Variants in MAPKAP1 observed in about 807,000 individuals in gnomAD.
MAPKAP1 encodes the protein target of rapamycin complex 2 subunit MAPKAP1.
MAPKAP1 carries 20 observed loss-of-function variants against 65.7 expected under a neutral mutation model. The ratio of observed to expected loss-of-function variants is 0.30; its 90% CI spans 0.21 to 0.44. MAPKAP1 has a LOEUF of 0.44. Ranked by LOEUF, MAPKAP1 falls within the 20% of genes least tolerant of loss-of-function variation. The pLI is 1.00. For synonymous variants in MAPKAP1, 222 were observed against 244.3 expected (o/e 0.91, Z 0.85); for missense variants, 423 against 648.0 (o/e 0.65, Z 3.77).
At chr9:125,700,951 G>T (rs1453735810) in intron 1 of MAPKAP1, among the ~76,000 whole-genome samples, 2 of 152,186 alleles carry the variant, frequency 1.3e-5, no homozygotes, top group Admixed American at 6.5e-5. Flanking sequence ...ATGCACTGGG[G>T]GAGCACCTGG....
At chr9:125,610,862 T>G (rs1169517329) in intron 4 of MAPKAP1, among the ~76,000 whole-genome samples, 1 of 152,158 alleles carries the variant, frequency 6.6e-6, no homozygotes, top group African/African-American at 2.4e-5. Context: ...ATGACTCAAA[T>G]AATTCCAACA....
chr9:125,587,571 AAAAC>A (rs367582231), intron 4 of MAPKAP1, among the ~76,000 whole-genome samples: 92 of 152,234 alleles, frequency 6.0e-4, no homozygotes, highest in African/African-American at 1.6e-3. Flanking sequence ...GCTCAAAACA[AAAAC>A]AAACAAACAA....
intron 9 of MAPKAP1, among the ~76,000 whole-genome samples, chr9:125,481,445 C>CA (rs1854313706): frequency 1.3e-5 from 2 of 152,118 alleles, no homozygotes; most frequent in African/African-American, 4.8e-5. Context: ...TCCTTTGAGA[C>CA]AGAGTCTAAC....
chr9:125,450,113 C>G (rs1852887128), intron 10 of MAPKAP1, among the ~76,000 whole-genome samples: 1 of 151,986 alleles, frequency 6.6e-6, no homozygotes, highest in Admixed American at 6.6e-5. Flanking sequence ...TTCCATCTGC[C>G]TTAAGAAAAG....
chr9:125,454,305 G>A (rs1853078890), intron 10 of MAPKAP1, among the ~76,000 whole-genome samples: 1 of 152,198 alleles, frequency 6.6e-6, no homozygotes, highest in Non-Finnish European at 1.5e-5. Context: ...AAGTAGATAA[G>A]AAACAAGTTC....
intron 6 of MAPKAP1, among the ~76,000 whole-genome samples, chr9:125,547,818 G>T (rs1279014212): frequency 6.6e-6 from 1 of 152,210 alleles, no homozygotes; most frequent in Non-Finnish European, 1.5e-5. Context: ...AGCACTCTGG[G>T]TTGTTTTCAA....
intron 10 of MAPKAP1, among the ~76,000 whole-genome samples, chr9:125,466,668 G>A (rs921487542): frequency 2.6e-5 from 4 of 152,206 alleles, no homozygotes; most frequent in Admixed American, 2.6e-4. Flanking sequence ...AGGCCCCCCA[G>A]CAGCAGGCAC....
intron 7 of MAPKAP1, among the ~76,000 whole-genome samples, chr9:125,523,607 A>C (rs1397767274): frequency 6.6e-6 from 1 of 152,226 alleles, no homozygotes; most frequent in Non-Finnish European, 1.5e-5. Flanking sequence ...ATGTACTTTT[A>C]GCTGTTACGA....
intron 5 of MAPKAP1, among the ~76,000 whole-genome samples, chr9:125,562,542 C>T (rs1189015212): frequency 6.6e-6 from 1 of 152,192 alleles, no homozygotes; most frequent in Non-Finnish European, 1.5e-5. Flanking sequence ...CTATATTCTA[C>T]ACATGGACAT....
intron 7 of MAPKAP1, among the ~76,000 whole-genome samples, chr9:125,523,568 G>A (rs1829678892): frequency 6.6e-6 from 1 of 152,192 alleles, no homozygotes; most frequent in Non-Finnish European, 1.5e-5. Flanking sequence ...AGTCTTTCTA[G>A]ACCAAGTTTG....
chr9:125,588,057 A>C (rs928048203), intron 4 of MAPKAP1, among the ~76,000 whole-genome samples: 2 of 152,224 alleles, frequency 1.3e-5, no homozygotes, highest in African/African-American at 4.8e-5. Flanking sequence ...AAGCGATTCC[A>C]TTCCTAGGTA....
intron 1 of MAPKAP1, among the ~76,000 whole-genome samples, chr9:125,706,754 G>A (rs1406962470): frequency 1.3e-5 from 2 of 151,880 alleles, no homozygotes; most frequent in African/African-American, 4.8e-5. Flanking sequence ...CAGGTCAGCT[G>A]GCTTCTTTTC....
At chr9:125,467,124 G>A (rs976714607) in intron 10 of MAPKAP1, among the ~76,000 whole-genome samples, 2 of 152,178 alleles carry the variant, frequency 1.3e-5, no homozygotes, top group Non-Finnish European at 2.9e-5. Context: ...CTCGGTAACT[G>A]CATTTAACAG....
chr9:125,506,359 G>C lies in MAPKAP1; in HGVS notation c.1017C>G (p.Ser339Arg). Residue 339 changes from serine (S) to arginine (R), a missense_variant, in exon 8 of 12, where the codon AGC becomes AGG. This residue lies in a region of MAPKAP1 where 185 missense variants were observed against 268.1 expected (regional missense o/e 0.69). Coordinates refer to ENST00000265960, the MANE Select transcript of MAPKAP1 (RefSeq NM_001006617.3). Reference sequence around the variant, plus strand: ...CCCATGCGCTCTGGCTCTCCAAAGTGCTGTCCAGGTCAACGGCGACATTGG... The same window carrying C: ...CCCATGCGCTCTGGCTCTCCAAAGTCCTGTCCAGGTCAACGGCGACATTGG... Reference protein sequence around the residue: ...SEPNVAVDLDSTLESQSAWEF... With the variant: ...SEPNVAVDLDRTLESQSAWEF... The C allele has an allele frequency of 6.2e-7, 1 of 1,614,126 alleles. No homozygotes were observed. The highest frequency in any genetic ancestry group is 8.5e-7 in the Non-Finnish European group (1 of 1,180,024).
intron 1 of MAPKAP1, among the ~76,000 whole-genome samples, chr9:125,698,303 ATATATATATATATATAT>A: frequency 4.7e-5 from 1 of 21,464 alleles, no homozygotes; most frequent in Non-Finnish European, 9.8e-5. Context: ...ATATATATAT[ATATATATATATATATAT>A]ATATATATAT....
chr9:125,521,282 G>T (rs1364364304), intron 7 of MAPKAP1, among the ~76,000 whole-genome samples: 1 of 128,026 alleles, frequency 7.8e-6, no homozygotes, highest in Non-Finnish European at 1.6e-5. Flanking sequence ...CCTACTATTT[G>T]TAAAAAAGGA....
chr9:125,542,267 C>T (rs1159188438), intron 7 of MAPKAP1, among the ~76,000 whole-genome samples: 1 of 152,148 alleles, frequency 6.6e-6, no homozygotes, highest in East Asian at 1.9e-4. Context: ...AGATTATATG[C>T]CTCCCCTTAA....
intron 7 of MAPKAP1, among the ~76,000 whole-genome samples, chr9:125,540,287 C>T (rs1398064436): frequency 6.6e-6 from 1 of 152,204 alleles, no homozygotes; most frequent in Admixed American, 6.5e-5. Flanking sequence ...ATTAGGCCTA[C>T]ATTTTGATTT....
chr9:125,672,260 A>C, intron 2 of MAPKAP1, 56 bp downstream of exon 2: 1 of 1,587,548 alleles, frequency 6.3e-7, no homozygotes. Flanking sequence ...GCATTATTCC[A>C]TAAGACTGTT....
Sources: gnomAD v4.1 joint callset for allele counts (sites outside exome capture counted in the v4.1 genomes callset) on GRCh38, gnomAD v4.1.1 for gene constraint, gnomAD v4.1.1 regional missense constraint, MANE v1.5 for transcripts, NCBI Gene and HGNC (gene_info 2026-07-23, HGNC 2026-07-21) for gene names.